The following LRMDA variants were observed in gnomAD, a reference collection of about 807,000 sequenced individuals.
LRMDA encodes the protein leucine-rich melanocyte differentiation-associated protein.
A neutral mutation model predicts 29.8 loss-of-function variants in LRMDA; 18 were observed. The observed-to-expected ratio is 0.60, with a 90% CI of 0.42 to 0.90. The LOEUF (loss-of-function observed/expected upper bound fraction) is 0.90. LRMDA is among the 40% of genes least tolerant of loss of function. The pLI, the probability that LRMDA is intolerant of heterozygous loss-of-function variation, is 0.00. For synonymous variants in LRMDA, 125 were observed against 109.4 expected, an observed-to-expected ratio of 1.14 and a Z score of -0.89; for missense variants, 273 against 273.9, an observed-to-expected ratio of 1.00 and a Z score of 0.02.
At chr10:76,186,685 A>G (rs1467455462) in intron 5 of LRMDA, among the ~76,000 whole-genome samples, 4 of 152,182 alleles carry the variant, frequency 2.6e-5, no homozygotes, top group Admixed American at 2.6e-4. Context: ...GTGCACATTT[A>G]TTGGGTAGTT....
intron 2 of LRMDA, among the ~76,000 whole-genome samples, chr10:75,684,400 T>C (rs1012286635): frequency 2.6e-5 from 4 of 152,302 alleles, no homozygotes; most frequent in Non-Finnish European, 4.4e-5. Flanking sequence ...AATGTCACCT[T>C]TGGGGCCATT....
intron 5 of LRMDA, among the ~76,000 whole-genome samples, chr10:76,298,695 G>A (rs1239260079): frequency 6.6e-6 from 1 of 152,170 alleles, no homozygotes. Flanking sequence ...TGTAGTTAAA[G>A]GAACAACATG....
chr10:76,232,247 CTA>C (rs1331704963), intron 5 of LRMDA, among the ~76,000 whole-genome samples: 1 of 152,048 alleles, frequency 6.6e-6, no homozygotes, highest in Non-Finnish European at 1.5e-5. Context: ...GAGTGTTGTG[CTA>C]TTTTTATTTA....
In LRMDA at chr10:75,950,252, G is replaced by T. The variant is rs138008102; in HGVS notation, c.132-85756G>T. Among the ~76,000 whole-genome samples, 354 of 152,304 alleles carry T rather than the reference G, an allele frequency of 2.3e-3. 2 individuals are homozygous for T. In the South Asian group the frequency reaches 0.028, roughly 12 times the overall value. The stretch of plus-strand genomic sequence containing the variant: ...CCTTCTTTCCCTCTCTGTAGCCACT[G>T]CCCAGGGCCAATGGCACTCATCACT... On this transcript the variant is annotated intron_variant, in intron 2 of 6. Transcript: ENST00000611255.
intron 2 of LRMDA, among the ~76,000 whole-genome samples, chr10:75,755,641 G>A (rs1340259818): frequency 6.6e-6 from 1 of 152,244 alleles, no homozygotes; most frequent in East Asian, 1.9e-4. Flanking sequence ...ACAAGAAGGA[G>A]CCAGTCAACA....
intron 3 of LRMDA, 100 bp from the exon 4 acceptor site, chr10:76,047,064 T>C: frequency 7.6e-7 from 1 of 1,307,246 alleles, no homozygotes; most frequent in Non-Finnish European, 1.1e-6. Context: ...CCCTGAGGTC[T>C]CACAGGAGCA....
intron 5 of LRMDA, among the ~76,000 whole-genome samples, chr10:76,158,235 C>T (rs1428056979): frequency 2.0e-5 from 3 of 152,060 alleles, no homozygotes; most frequent in Non-Finnish European, 2.9e-5. Context: ...GACCATTTAA[C>T]CTGCATTTAT....
intron 2 of LRMDA, among the ~76,000 whole-genome samples, chr10:75,539,541 T>C (rs1839990212): frequency 6.6e-6 from 1 of 152,192 alleles, no homozygotes. Context: ...TGCACTCTTA[T>C]TTTAAATATT....
rs1842193574 is a variant in LRMDA, at chr10:75,693,250, C to G, written c.131+254756C>G. ...GGGAGTGAGGGAGAGAAAAAAGTACCACAAATAAATTATCTCCTATTTGTG... is the reference window on the plus strand; with the variant it reads ...GGGAGTGAGGGAGAGAAAAAAGTACGACAAATAAATTATCTCCTATTTGTG... On this transcript the variant is annotated intron_variant, in intron 2 of 6. Transcript: ENST00000611255. Among the ~76,000 whole-genome samples, 3 of 152,102 alleles carry G rather than the reference C, an allele frequency of 2.0e-5. No individual in the cohort carries two copies. In the South Asian group the frequency reaches 6.2e-4, roughly 32 times the overall value.
chr10:76,056,855 G>A (rs547611179), intron 4 of LRMDA, among the ~76,000 whole-genome samples: 2 of 152,194 alleles, frequency 1.3e-5, no homozygotes, highest in East Asian at 3.9e-4. Context: ...GGGAGCAGGG[G>A]CTCCTGCCCC....
intron 3 of LRMDA, among the ~76,000 whole-genome samples, chr10:76,037,108 T>C (rs1848262344): frequency 6.6e-6 from 1 of 152,210 alleles, no homozygotes; most frequent in African/African-American, 2.4e-5. Flanking sequence ...GAAGGGTGTG[T>C]CTTTTCCATT....
chr10:75,761,794 GTTTTTTTTTTTT>G (rs796289608), intron 2 of LRMDA, among the ~76,000 whole-genome samples: 1 of 121,712 alleles, frequency 8.2e-6, no homozygotes, highest in East Asian at 2.2e-4. Context: ...GTATACTTTT[GTTTTTTTTTTTT>G]TGTTTTTTTT....
intron 5 of LRMDA, among the ~76,000 whole-genome samples, chr10:76,092,234 C>T (rs1264755303): frequency 1.3e-5 from 2 of 152,108 alleles, no homozygotes. Flanking sequence ...ACTTTCGCAC[C>T]CTGCAGGTAA....
intron 5 of LRMDA, among the ~76,000 whole-genome samples, chr10:76,065,061 G>A (rs1025244752): frequency 6.6e-6 from 1 of 152,010 alleles, no homozygotes; most frequent in African/African-American, 2.4e-5. Context: ...TGCTTAGATG[G>A]TGTGTTCAAA....
At chr10:75,926,984 C>T (rs903689983) in intron 2 of LRMDA, among the ~76,000 whole-genome samples, 1 of 152,202 alleles carries the variant, frequency 6.6e-6, no homozygotes, top group African/African-American at 2.4e-5. Flanking sequence ...CCACGCTGCC[C>T]TCTGGCTGCA....
chr10:76,551,974 G>A (rs868160784), intron 6 of LRMDA, among the ~76,000 whole-genome samples: 3 of 152,218 alleles, frequency 2.0e-5, no homozygotes, highest in Non-Finnish European at 2.9e-5. Flanking sequence ...TCCATCCTAG[G>A]GGTAATTATA....
intron 2 of LRMDA, among the ~76,000 whole-genome samples, chr10:75,740,191 C>G (rs1178797444): frequency 6.6e-6 from 1 of 152,242 alleles, no homozygotes; most frequent in African/African-American, 2.4e-5. Context: ...ACATTCCTCT[C>G]CCATGCCATC....
chr10:76,458,182 A>G (rs1416556953), intron 6 of LRMDA, among the ~76,000 whole-genome samples: 1 of 150,704 alleles, frequency 6.6e-6, no homozygotes, highest in Non-Finnish European at 1.5e-5. Context: ...TTTTGTATAT[A>G]TTTGCAGTCT....
At chr10:76,484,076 C>T (rs1386688658) in intron 6 of LRMDA, among the ~76,000 whole-genome samples, 3 of 151,642 alleles carry the variant, frequency 2.0e-5, no homozygotes, top group Non-Finnish European at 2.9e-5. Context: ...TATGCTCTTC[C>T]TCCTTCTTTT....
Sources: allele counts gnomAD v4.1 joint callset (sites outside exome capture counted in the v4.1 genomes callset), GRCh38; gene constraint gnomAD v4.1.1; transcripts MANE v1.5; gene names NCBI Gene and HGNC (gene_info 2026-07-23, HGNC 2026-07-21).